Variants in PHAX observed in about 807,000 individuals in gnomAD.
The protein encoded by PHAX is phosphorylated adapter RNA export protein.
A neutral mutation model predicts 41.6 loss-of-function variants in PHAX; 31 were observed. The observed-to-expected ratio is 0.75, with a 90% CI of 0.56 to 1.01. PHAX has a LOEUF of 1.01. Ranked by LOEUF, PHAX falls within the 50% of genes least tolerant of loss-of-function variation. The pLI is 0.00. For synonymous variants in PHAX, 175 were observed against 164.9 expected (o/e 1.06, Z -0.47); for missense variants, 453 against 472.9 (o/e 0.96, Z 0.39).
intron 4 of PHAX, among the ~76,000 whole-genome samples, chr5:126,618,093 A>T (rs1218151326): frequency 1.3e-5 from 2 of 151,782 alleles, no homozygotes; most frequent in African/African-American, 4.8e-5. Context: ...AACTGGGAGT[A>T]CAGGCATATG....
At chr5:126,601,408 GCT>G (rs1167133771) in intron 1 of PHAX, among the ~76,000 whole-genome samples, 1 of 152,178 alleles carries the variant, frequency 6.6e-6, no homozygotes, top group African/African-American at 2.4e-5. Flanking sequence ...TCCGCCTACC[GCT>G]CTTTCTTTTC....
At chr5:126,617,082 CAT>C (rs1234907105) in intron 3 of PHAX, among the ~76,000 whole-genome samples, 166 bp from the exon 4 acceptor site, 3 of 152,108 alleles carry the variant, frequency 2.0e-5, no homozygotes, top group Non-Finnish European at 4.4e-5. Flanking sequence ...AACTGAAACT[CAT>C]ATTTCGGTAA....
At chr5:126,609,198 T>G (rs1464037418) in intron 3 of PHAX, among the ~76,000 whole-genome samples, 1 of 146,474 alleles carries the variant, frequency 6.8e-6, no homozygotes, top group Non-Finnish European at 1.5e-5. Flanking sequence ...CCTCCCGAGT[T>G]CAAGCAATTC....
rs74783992 is a variant in PHAX, at chr5:126,603,744, C to T, written c.271C>T (p.Pro91Ser). 1.5e-4 allele frequency: 247 copies of T among 1,614,118 alleles called. No homozygotes were observed. In the African/African-American group the frequency reaches 2.6e-3, roughly 17 times the overall value. ...CAAACGACAGAAATGTTTTAACCCT[C>T]CTCCCAAACCAGAGCCTTTTCAGTT... Reference protein sequence around the residue: ...KRKRQKCFNPPPKPEPFQFGQ... With the variant: ...KRKRQKCFNPSPKPEPFQFGQ... Residue 91 changes from proline to serine, a missense_variant, in exon 2 of 5, where the codon CCT becomes TCT. Pro to Ser is a moderately conservative substitution (Grantham distance 74). Transcript: ENST00000297540.
At chr5:126,612,232 T>G (rs555451535) in intron 3 of PHAX, among the ~76,000 whole-genome samples, 29 of 152,300 alleles carry the variant, frequency 1.9e-4, no homozygotes, top group Non-Finnish European at 4.4e-5. Context: ...TCTACCTAGT[T>G]CCTGTCTCAA....
chr5:126,603,991 A>G lies in PHAX; in HGVS notation c.518A>G (p.Lys173Arg), dbSNP rs760910428. The change falls in exon 2 of 5, where the codon AAG becomes AGG. Residue 173 changes from lysine to arginine, a missense_variant. Coordinates refer to ENST00000297540, the MANE Select transcript of PHAX (RefSeq NM_032177.4). ...CAAGAGCATACAAAAGATCTAGACA[A>G]GGAACTAGATGAATATATGCATGGT... ...ESQEHTKDLD[K>R]ELDEYMHGGK... is the part of the protein sequence containing the mutation. 1.9e-6 allele frequency: 3 copies of G among 1,614,042 alleles called. No individual in the cohort carries two copies. Among genetic ancestry groups the G allele is most frequent in the Admixed American group, 3.3e-5 (2 of 59,990 alleles).
intron 4 of PHAX, among the ~76,000 whole-genome samples, chr5:126,622,609 A>G (rs997508235): frequency 6.6e-6 from 1 of 151,964 alleles, no homozygotes; most frequent in African/African-American, 2.4e-5. Flanking sequence ...TCTTTTTAAT[A>G]AGGCTTGCCA....
rs1391407650 is a variant in PHAX, at chr5:126,624,679, T to G, written c.1020T>G (p.Ser340Arg). Residue 340 changes from serine to arginine, a missense_variant, in exon 5 of 5, where the codon AGT becomes AGG. Transcript: ENST00000297540. ...LGKKMKQAIK[S>R]LNFQEDDDTS... is the part of the protein sequence containing the mutation. ...AAAAGATGAAACAAGCTATTAAAAGTCTAAATTTTCAAGAAGATGATGATA... is the reference window on the plus strand; with the variant it reads ...AAAAGATGAAACAAGCTATTAAAAGGCTAAATTTTCAAGAAGATGATGATA... 1 of 1,614,094 alleles carries G rather than the reference T, an allele frequency of 6.2e-7. No homozygotes were observed. The highest frequency in any genetic ancestry group is 1.7e-5 in the Admixed American group (1 of 60,012).
At chr5:126,601,126 G>C in intron 1 of PHAX, 68 bp downstream of exon 1, 2 of 1,198,962 alleles carry the variant, frequency 1.7e-6, no homozygotes, top group South Asian at 2.6e-5. Flanking sequence ...GGAGCGCGCA[G>C]GCAGCGGTGA....
At chr5:126,620,982 C>T (rs560901899) in intron 4 of PHAX, among the ~76,000 whole-genome samples, 1 of 152,114 alleles carries the variant, frequency 6.6e-6, no homozygotes, top group Non-Finnish European at 1.5e-5. Flanking sequence ...GTGATCCACC[C>T]TCCTCGGCCT....
chr5:126,601,789 C>T (rs927905798), intron 1 of PHAX, among the ~76,000 whole-genome samples: 4 of 152,210 alleles, frequency 2.6e-5, no homozygotes, highest in African/African-American at 9.6e-5. Flanking sequence ...GCCTCAGCCT[C>T]CCGAGTAGCT....
In PHAX at chr5:126,627,186, G is replaced by A. The variant is rs2112841720; in HGVS notation, c.*2342G>A. The A allele has an allele frequency of 6.6e-6, 1 of 152,318 alleles. No individual in the cohort carries two copies. Among genetic ancestry groups the A allele is most frequent in the East Asian group, 1.9e-4 (1 of 5,192 alleles). 9.4% of individuals were successfully genotyped at this position (152,318 alleles called of 1,614,324 possible). Reference sequence around the variant, plus strand: ...CATTGAAGTTGGATCTAAGAGGAAAGTGGTTATCGGTTGCTTTTTATTTAT... The same window carrying A: ...CATTGAAGTTGGATCTAAGAGGAAAATGGTTATCGGTTGCTTTTTATTTAT... On this transcript the variant is annotated 3_prime_UTR_variant, in exon 5 of 5. Transcript: ENST00000297540.
At chr5:126,608,135 A>G (rs1324053383) in intron 2 of PHAX, among the ~76,000 whole-genome samples, 3 of 152,244 alleles carry the variant, frequency 2.0e-5, no homozygotes, top group Non-Finnish European at 2.9e-5. Flanking sequence ...TAATCCAATA[A>G]GACAAATAAG....
At position 126,624,711 on chromosome 5, in the gene PHAX, G is replaced by A. The variant is rs1481087345; in HGVS notation, c.1052G>A (p.Arg351Gln). 6.8e-6 allele frequency: 11 copies of A among 1,614,164 alleles called. No individual in the cohort carries two copies. Among genetic ancestry groups the A allele is most frequent in the East Asian group, 4.5e-5 (2 of 44,876 alleles). Residue 351 changes from arginine to glutamine, a missense_variant, in exon 5 of 5, where the codon CGA (arginine) becomes CAA (glutamine). Physicochemically the swap from Arg to Gln is conservative, Grantham distance 43. Coordinates refer to ENST00000297540, the MANE Select transcript of PHAX (RefSeq NM_032177.4). ...LNFQEDDDTS[R>Q]ETFASDTNEA... is the part of the protein sequence containing the mutation. ...TTTCAAGAAGATGATGATACATCAC[G>A]AGAAACTTTTGCAAGTGACACGAAT...
chr5:126,603,973 A>G lies in PHAX; in HGVS notation c.500A>G (p.His167Arg), dbSNP rs767581424. 1.2e-5 allele frequency: 20 copies of G among 1,614,142 alleles called. No homozygotes were observed. In the South Asian group the frequency reaches 1.6e-4, roughly 13 times the overall value. Residue 167 changes from histidine (H) to arginine (R), a missense_variant, in exon 2 of 5, where the codon CAT becomes CGT. By Grantham distance (29) the His-to-Arg change is conservative (BLOSUM62 0). Transcript: ENST00000297540. ...AAACTTAGGAAGGAATCTCAAGAGC[A>G]TACAAAAGATCTAGACAAGGAACTA... is the stretch of plus-strand genomic sequence containing the variant. The part of the protein sequence containing the change: ...AKKLRKESQE[H>R]TKDLDKELDE...
chr5:126,615,886 A>G (rs1752176412), intron 3 of PHAX, among the ~76,000 whole-genome samples: 1 of 152,126 alleles, frequency 6.6e-6, no homozygotes, highest in Non-Finnish European at 1.5e-5. Context: ...CGTAACTACC[A>G]TGACTATTGA....
At chr5:126,622,519 C>T (rs1245755940) in intron 4 of PHAX, among the ~76,000 whole-genome samples, 1 of 139,130 alleles carries the variant, frequency 7.2e-6, no homozygotes, top group African/African-American at 2.7e-5. Context: ...TCTCGAACTC[C>T]TGACCTCAAG....
intron 4 of PHAX, among the ~76,000 whole-genome samples, chr5:126,621,500 T>G (rs557353143): frequency 1.2e-4 from 19 of 152,284 alleles, no homozygotes; most frequent in African/African-American, 4.3e-4. Flanking sequence ...TAAAATTTTA[T>G]TATAGATCAT....
At chr5:126,613,343 C>CT (rs1354178129) in intron 3 of PHAX, among the ~76,000 whole-genome samples, 3 of 152,080 alleles carry the variant, frequency 2.0e-5, no homozygotes, top group Admixed American at 6.6e-5. Flanking sequence ...GAACATGACT[C>CT]TGTCTCAAAA....
Sources: allele counts gnomAD v4.1 joint callset (sites outside exome capture counted in the v4.1 genomes callset), GRCh38; gene constraint gnomAD v4.1.1; transcripts MANE v1.5; gene names NCBI Gene and HGNC (gene_info 2026-07-23, HGNC 2026-07-21).